Variants in XPNPEP1 observed in about 807,000 individuals in gnomAD.
XPNPEP1 encodes the protein X-prolyl aminopeptidase 1.
Under a neutral mutation model 92.4 loss-of-function variants are expected in XPNPEP1, and 39 were observed. The observed-to-expected ratio is 0.42, with a 90% CI of 0.33 to 0.55. The LOEUF (loss-of-function observed/expected upper bound fraction) is 0.55, where lower values mean the gene tolerates loss of function less well. Ranked by LOEUF, XPNPEP1 falls within the 20% of genes least tolerant of loss-of-function variation. XPNPEP1 has a pLI of 0.08. For missense variants in XPNPEP1, 654 were observed against 856.1 expected (o/e 0.76, Z 2.95); for synonymous variants, 307 against 299.4 (o/e 1.03, Z -0.26).
Position 109,888,605 on chromosome 10 carries a change from G to A in XPNPEP1, c.416-10C>T, listed in dbSNP as rs774061372. The A allele has an allele frequency of 6.3e-5, 100 of 1,587,482 alleles. No individual in the cohort carries two copies. Among genetic ancestry groups the A allele is most frequent in the Non-Finnish European group, 6.5e-5 (76 of 1,164,168 alleles). Reference sequence around the variant, plus strand: ...GGTGTGTCCTTCAGACCTACAGGGGGAAGAAATGATAAGAAACAATTCCCA... The same window carrying A: ...GGTGTGTCCTTCAGACCTACAGGGGAAAGAAATGATAAGAAACAATTCCCA... On this transcript the variant is annotated splice_polypyrimidine_tract_variant and intron_variant, in intron 5 of 20. Transcript: ENST00000502935.
At chr10:109,888,262 G>A (rs892772462) in intron 6 of XPNPEP1, 70 bp from the exon 7 acceptor site, 6 of 1,555,110 alleles carry the variant, frequency 3.9e-6, no homozygotes, top group Admixed American at 1.8e-5. Flanking sequence ...GCAGGGCCTT[G>A]AAAGTCCAGA....
At chr10:109,882,261 G>A (rs896809067) in intron 10 of XPNPEP1, among the ~76,000 whole-genome samples, 171 bp downstream of exon 10, 1 of 152,148 alleles carries the variant, frequency 6.6e-6, no homozygotes, top group Non-Finnish European at 1.5e-5. Context: ...GACTCAACAA[G>A]CAATAAGGGC....
At chr10:109,881,020 CT>C in intron 10 of XPNPEP1, 89 bp from the exon 11 acceptor site, 2 of 1,293,770 alleles carry the variant, frequency 1.5e-6, no homozygotes, top group Non-Finnish European at 2.2e-6. Flanking sequence ...GCAAAACTTA[CT>C]TTAGACAAAT....
At chr10:109,917,734 C>T (rs1490321411) in intron 1 of XPNPEP1, among the ~76,000 whole-genome samples, 1 of 152,146 alleles carries the variant, frequency 6.6e-6, no homozygotes, top group Non-Finnish European at 1.5e-5. Context: ...AACCTAAATA[C>T]AAGACAGTGT....
In XPNPEP1 at chr10:109,871,828, C is replaced by T. The variant is rs1259748581; in HGVS notation, c.1486G>A (p.Ala496Thr). The T allele has an allele frequency of 6.2e-7, 1 of 1,614,196 alleles. No homozygotes were observed. The highest frequency in any genetic ancestry group is 8.5e-7 in the Non-Finnish European group (1 of 1,180,028). Reference sequence around the variant, plus strand: ...GTCGGGAAAACGGCTGCACTCACAGCTATGTGGCCCTTGAGGACATATGTG... The same window carrying T: ...GTCGGGAAAACGGCTGCACTCACAGTTATGTGGCCCTTGAGGACATATGTG... ...CFTYVLKGHI[A>T]VSAAVFPTGT... is the part of the protein sequence containing the mutation. Residue 496 changes from alanine (A) to threonine (T), a missense_variant, in exon 17 of 21, where the codon GCT (alanine) becomes ACT (threonine). Coordinates refer to ENST00000502935, the MANE Select transcript of XPNPEP1 (RefSeq NM_020383.4).
chr10:109,919,501 A>G (rs1589646013), intron 1 of XPNPEP1, among the ~76,000 whole-genome samples: 2 of 152,232 alleles, frequency 1.3e-5, no homozygotes, highest in African/African-American at 4.8e-5. Context: ...AGGGTATAGA[A>G]AAAATTAGAA....
rs1296536182 is a variant in XPNPEP1, at chr10:109,886,265, A to G, written c.729T>C (p.Thr243=). Residue 243 remains threonine (T), a synonymous_variant, in exon 8 of 21, where the codon ACT becomes ACC. Transcript: ENST00000502935. The stretch of plus-strand genomic sequence containing the variant: ...ACTCACACGCAATCTCATCCAAGGC[A>G]GTGACCACAAACCACATGACGTTCC... The part of the protein sequence containing the change: ...AERNVMWFVV[T]ALDEIAWLFN... 3 of 1,614,222 alleles carry G rather than the reference A, an allele frequency of 1.9e-6. No homozygotes were observed. Among genetic ancestry groups the G allele is most frequent in the Non-Finnish European group, 2.5e-6 (3 of 1,180,038 alleles).
intron 15 of XPNPEP1, among the ~76,000 whole-genome samples, chr10:109,875,018 G>A (rs1054842378): frequency 8.5e-5 from 13 of 152,144 alleles, no homozygotes; most frequent in Non-Finnish European, 1.3e-4. Context: ...TTTGGGTTCC[G>A]TATCAAGACC....
intron 9 of XPNPEP1, among the ~76,000 whole-genome samples, chr10:109,883,154 C>A (rs1203988767): frequency 6.6e-6 from 1 of 152,212 alleles, no homozygotes; most frequent in Non-Finnish European, 1.5e-5. Flanking sequence ...CTGAATGTGG[C>A]CCACAAGGCC....
intron 3 of XPNPEP1, among the ~76,000 whole-genome samples, chr10:109,900,818 G>A (rs1398466167): frequency 1.3e-5 from 2 of 152,148 alleles, no homozygotes; most frequent in Non-Finnish European, 2.9e-5. Context: ...ATTCATGGAT[G>A]GTCTTAACCA....
At chr10:109,880,163 T>C (rs763698192) in intron 12 of XPNPEP1, 25 bp downstream of exon 12, 3 of 1,611,700 alleles carry the variant, frequency 1.9e-6, no homozygotes, top group Non-Finnish European at 1.7e-6. Context: ...TATATCCACA[T>C]ATTAAACAAA....
chr10:109,888,698 T>C (rs1015347644), intron 5 of XPNPEP1, 103 bp from the exon 6 acceptor site: 7 of 872,058 alleles, frequency 8.0e-6, no homozygotes, highest in Middle Eastern at 2.4e-4. Flanking sequence ...AGGGTCTTTA[T>C]TAAGCAGCTT....
intron 15 of XPNPEP1, among the ~76,000 whole-genome samples, chr10:109,874,009 G>A (rs1056526156): frequency 1.1e-4 from 16 of 152,208 alleles, no homozygotes; most frequent in Non-Finnish European, 2.1e-4. Context: ...TATTGGGTAT[G>A]AGGTTTCTTT....
At chr10:109,880,713 G>A (rs2133394098) in intron 11 of XPNPEP1, 129 bp downstream of exon 11, 2 of 793,384 alleles carry the variant, frequency 2.5e-6, no homozygotes, top group South Asian at 3.7e-5. Context: ...AACTCCTCCT[G>A]GAAGGCCAGG....
chr10:109,889,848 A>T (rs935512288), intron 5 of XPNPEP1, among the ~76,000 whole-genome samples: 3 of 152,248 alleles, frequency 2.0e-5, no homozygotes, highest in African/African-American at 7.2e-5. Flanking sequence ...ATAAAGAAAG[A>T]AGCTCATGAA....
At chr10:109,909,330 G>GGC (rs1406814097) in intron 2 of XPNPEP1, among the ~76,000 whole-genome samples, 2 of 152,114 alleles carry the variant, frequency 1.3e-5, no homozygotes, top group East Asian at 3.9e-4. Context: ...TTCAAACGAA[G>GGC]TCCCAAGGCT....
At chr10:109,890,557 T>TGC (rs1848640596) in intron 5 of XPNPEP1, among the ~76,000 whole-genome samples, 1 of 83,330 alleles carries the variant, frequency 1.2e-5, no homozygotes, top group Non-Finnish European at 2.3e-5. Context: ...CCTTTGTGTG[T>TGC]GTGTGTGTGT....
At chr10:109,899,483 G>A (rs1338043402) in intron 3 of XPNPEP1, among the ~76,000 whole-genome samples, 1 of 152,156 alleles carries the variant, frequency 6.6e-6, no homozygotes, top group African/African-American at 2.4e-5. Flanking sequence ...ACTGCTACAT[G>A]AAATAAGAAA....
At chr10:109,887,350 T>C (rs963583641) in intron 7 of XPNPEP1, among the ~76,000 whole-genome samples, 5 of 152,196 alleles carry the variant, frequency 3.3e-5, no homozygotes, top group African/African-American at 1.2e-4. Context: ...CACCCAGGGC[T>C]GCACTGAAGA....
Sources: gnomAD v4.1 joint callset for allele counts (sites outside exome capture counted in the v4.1 genomes callset) on GRCh38, gnomAD v4.1.1 for gene constraint, MANE v1.5 for transcripts, NCBI Gene and HGNC (gene_info 2026-07-23, HGNC 2026-07-21) for gene names.